The following ILDR1 variants were observed in gnomAD, a reference collection of about 807,000 sequenced individuals.
ILDR1 encodes immunoglobulin like domain containing receptor 1.
A neutral mutation model predicts 62.4 loss-of-function variants in ILDR1; 56 were observed. The observed-to-expected ratio is 0.90, with a 90% confidence interval of 0.72 to 1.12. The LOEUF is 1.12. ILDR1 is among the 50% of genes most tolerant of loss of function. The pLI is 0.00. For missense variants in ILDR1, 736 were observed against 710.6 expected (o/e 1.04, Z -0.41); for synonymous variants, 284 against 277.8 (o/e 1.02, Z -0.22).
chr3:122,052,010 TG>T, the ILDR1 span, among the ~76,000 whole-genome samples: 4 of 151,658 alleles, frequency 2.6e-5, no homozygotes, highest in Admixed American at 1.3e-4. Flanking sequence ...TCTTTTTTTT[TG>T]ATCTTGGCAG....
chr3:121,988,439 A>T (rs1235899031), intron 7 of ILDR1, 31 bp from the exon 8 acceptor site: 6 of 1,591,076 alleles, frequency 3.8e-6, no homozygotes, highest in Non-Finnish European at 5.2e-6. Flanking sequence ...CACACAAAAA[A>T]AATCCAGTCA....
At chr3:122,035,968 C>T in the ILDR1 span, among the ~76,000 whole-genome samples, 5 of 152,114 alleles carry the variant, frequency 3.3e-5, no homozygotes, top group African/African-American at 1.2e-4. Context: ...TTGGAACTTC[C>T]TAGAGACTTG....
At chr3:122,021,999 T>C (rs373023980) in intron 1 of ILDR1, 21 bp downstream of exon 1, 427 of 1,604,410 alleles carry the variant, frequency 2.7e-4, no homozygotes, top group Non-Finnish European at 3.6e-4. Context: ...CCAGGGTGGG[T>C]ACCATTTTTC....
chr3:122,022,399 T>C (rs2107684041), upstream of ILDR1: 1 of 325,404 alleles, frequency 3.1e-6, no homozygotes, highest in Non-Finnish European at 5.6e-6. Flanking sequence ...CCCACCCCGC[T>C]GACGGAGAAG....
chr3:122,032,587 A>G, the ILDR1 span, among the ~76,000 whole-genome samples: 1 of 152,186 alleles, frequency 6.6e-6, no homozygotes. Flanking sequence ...GACTAAATCC[A>G]TGACCCTCAA....
the ILDR1 span, among the ~76,000 whole-genome samples, chr3:122,030,384 A>G: frequency 3.9e-5 from 6 of 152,178 alleles, no homozygotes; most frequent in East Asian, 1.2e-3. Context: ...GGAAACAGAC[A>G]CAATACCACT....
Position 122,022,064 on chromosome 3 carries a change from T to C in ILDR1, c.14A>G (p.Lys5Arg), listed in dbSNP as rs2071865253. ...GAGCAGCAGCCAAGGTGCGGGCAGT[T>C]TGGGCCATGCCATGCCGCCCCCTTT... Reference protein sequence around the residue: MAWPKLPAPWLLLCT... With the variant: MAWPRLPAPWLLLCT... Residue 5 changes from lysine to arginine, a missense_variant, in exon 1 of 8, where the codon AAA becomes AGA. By Grantham distance (26) the Lys-to-Arg change is conservative. Transcript: ENST00000344209. 1.9e-6 allele frequency: 3 copies of C among 1,610,234 alleles called. No individual in the cohort carries two copies. The East Asian group carries it at 6.7e-5, about 36-fold the overall frequency.
the ILDR1 span, among the ~76,000 whole-genome samples, chr3:122,053,541 A>C: frequency 1.3e-5 from 2 of 152,160 alleles, no homozygotes; most frequent in Non-Finnish European, 2.9e-5. Flanking sequence ...TTTTACTACA[A>C]TATATACCTT....
At chr3:122,057,182 A>G in the ILDR1 span, among the ~76,000 whole-genome samples, 2 of 152,210 alleles carry the variant, frequency 1.3e-5, no homozygotes, top group Non-Finnish European at 2.9e-5. Context: ...TCTGGACAAT[A>G]ATCTAGTGAT....
intron 2 of ILDR1, among the ~76,000 whole-genome samples, chr3:122,005,974 G>A (rs1474014417): frequency 6.6e-6 from 1 of 152,052 alleles, no homozygotes; most frequent in African/African-American, 2.4e-5. Flanking sequence ...GGGTCTGAGA[G>A]CTGTTAAATC....
the ILDR1 span, among the ~76,000 whole-genome samples, chr3:122,037,424 G>A: frequency 2.0e-5 from 3 of 152,220 alleles, no homozygotes; most frequent in Non-Finnish European, 4.4e-5. Context: ...TGAATCAAAG[G>A]AGATTATTTT....
the ILDR1 span, among the ~76,000 whole-genome samples, chr3:122,044,508 G>A: frequency 6.7e-6 from 1 of 149,846 alleles, no homozygotes; most frequent in South Asian, 2.1e-4. Flanking sequence ...GCTCCTCCTT[G>A]TACCTCTGGT....
At chr3:122,041,413 G>A in the ILDR1 span, among the ~76,000 whole-genome samples, 1 of 152,136 alleles carries the variant, frequency 6.6e-6, no homozygotes, top group South Asian at 2.1e-4. Context: ...GCAGCAAGAA[G>A]CCCCTTGAAA....
chr3:122,029,509 A>ATATATATATATATATATATAT, the ILDR1 span, among the ~76,000 whole-genome samples: 3 of 113,504 alleles, frequency 2.6e-5, no homozygotes, highest in African/African-American at 1.1e-4. Flanking sequence ...CCGTCTAAAA[A>ATATATATATATATATATATAT]AAATATATAT....
At chr3:121,994,358 C>A in intron 5 of ILDR1, 45 bp from the exon 6 acceptor site, 1 of 1,503,388 alleles carries the variant, frequency 6.7e-7, no homozygotes, top group African/African-American at 1.4e-5. Flanking sequence ...CCAGGGCAAG[C>A]CCCACACCTC....
At chr3:121,994,340 G>A (rs1292676403) in intron 5 of ILDR1, 27 bp from the exon 6 acceptor site, 1 of 1,522,246 alleles carries the variant, frequency 6.6e-7, no homozygotes, top group Non-Finnish European at 8.8e-7. Context: ...AGAAATGCAG[G>A]CCCTCAGCCA....
At chr3:122,018,445 G>A (rs994414479) in intron 1 of ILDR1, among the ~76,000 whole-genome samples, 3 of 152,026 alleles carry the variant, frequency 2.0e-5, no homozygotes, top group Non-Finnish European at 4.4e-5. Flanking sequence ...TAATGTAGGT[G>A]ATGGGTTGAT....
At chr3:122,013,605 T>C (rs1390433368) in intron 1 of ILDR1, among the ~76,000 whole-genome samples, 2 of 152,064 alleles carry the variant, frequency 1.3e-5, no homozygotes, top group East Asian at 3.9e-4. Context: ...AGTGCAAATA[T>C]GAGCGGAATC....
At chr3:122,020,023 T>C (rs2071833428) in intron 1 of ILDR1, among the ~76,000 whole-genome samples, 1 of 152,142 alleles carries the variant, frequency 6.6e-6, no homozygotes, top group Non-Finnish European at 1.5e-5. Flanking sequence ...AAGTAATCCA[T>C]CCAAAGTCAC....
Sources: gnomAD v4.1 joint callset for allele counts (sites outside exome capture counted in the v4.1 genomes callset) on GRCh38, gnomAD v4.1.1 for gene constraint, MANE v1.5 for transcripts, NCBI Gene and HGNC (gene_info 2026-07-23, HGNC 2026-07-21) for gene names.